DIP2C: variants seen among roughly 807,000 people sequenced by gnomAD.
DIP2C encodes DIP2 acetate--CoA ligase C (putative).
Under a neutral mutation model 192.4 loss-of-function variants are expected in DIP2C, and 33 were observed. The ratio of observed to expected loss-of-function variants is 0.17; its 90% CI spans 0.13 to 0.23. The LOEUF (loss-of-function observed/expected upper bound fraction) is 0.23, where lower values mean the gene tolerates loss of function less well. Among genes scored for constraint, DIP2C ranks in the 10% least tolerant of loss-of-function variants. The probability of loss-of-function intolerance (pLI) is 1.00; values close to 1 mark genes in which losing one functional copy is unlikely to be tolerated. For synonymous variants in DIP2C, 979 were observed against 864.1 expected (o/e 1.13, Z -2.33); for missense variants, 1,537 against 2,110.1 (o/e 0.73, Z 5.32).
chr10:564,880 T>TCA (rs934263181), intron 1 of DIP2C, among the ~76,000 whole-genome samples: 1 of 152,148 alleles, frequency 6.6e-6, no homozygotes, highest in African/African-American at 2.4e-5. Context: ...CCTAGAAGAC[T>TCA]CACACACACA....
intron 1 of DIP2C, among the ~76,000 whole-genome samples, chr10:596,296 G>T (rs114689034): frequency 0.01 from 1,571 of 152,068 alleles, 29 homozygotes; most frequent in African/African-American, 0.036. Flanking sequence ...CATCACCTGA[G>T]ATCAGGACTT....
At chr10:654,218 T>A (rs969006608) in intron 1 of DIP2C, among the ~76,000 whole-genome samples, 1 of 152,196 alleles carries the variant, frequency 6.6e-6, no homozygotes, top group African/African-American at 2.4e-5. Flanking sequence ...TCTTCACAGC[T>A]GCTATCTGAT....
chr10:548,776 TTTAA>T lies in DIP2C; in HGVS notation c.86-62250_86-62247del, dbSNP rs1848436962. Among the ~76,000 whole-genome samples, 6 of 151,974 alleles carry T rather than the reference TTTAA, an allele frequency of 3.9e-5. 2 individuals carry two copies. The South Asian group carries it at 1.0e-3, about 26-fold the overall frequency. ...ACTGTGCCTGATTTATGGATGACATTTTAATTAAGATGTTACATCTAACTTTAAA... is the reference window on the plus strand; with the variant it reads ...ACTGTGCCTGATTTATGGATGACATTTTAAGATGTTACATCTAACTTTAAA... On this transcript the variant is annotated intron_variant, in intron 1 of 36. Transcript: ENST00000280886.
chr10:314,590 G>A (rs1054737269), intron 31 of DIP2C, among the ~76,000 whole-genome samples: 2 of 152,202 alleles, frequency 1.3e-5, no homozygotes, highest in East Asian at 1.9e-4. Context: ...GCCAGTGCCT[G>A]CCTCTCCTGC....
chr10:476,846 G>C (rs552927133), intron 2 of DIP2C, among the ~76,000 whole-genome samples: 19 of 152,002 alleles, frequency 1.2e-4, no homozygotes, highest in African/African-American at 3.9e-4. Context: ...ATCCAAGAAT[G>C]AATCTTGGAG....
At chr10:422,427 CA>C (rs1167183481) in intron 5 of DIP2C, among the ~76,000 whole-genome samples, 4 of 152,194 alleles carry the variant, frequency 2.6e-5, no homozygotes, top group African/African-American at 9.7e-5. Flanking sequence ...GAAGTCTGAA[CA>C]CCTGTGGCAG....
rs11253268 is a variant in DIP2C, at chr10:589,023, G to A, written c.85+100471C>T. Among the ~76,000 whole-genome samples, 1,508 of 152,220 alleles carry A rather than the reference G, an allele frequency of 9.9e-3. 55 individuals carry two copies. In the East Asian group the frequency reaches 0.14, roughly 15 times the overall value. ...TGGTGCTGAAGACCTTCCATCAGCC[G>A]CTCCAGCAGGGGTGTAAAAAAATTC... On this transcript the variant is annotated intron_variant, in intron 1 of 36. Transcript: ENST00000280886.
At chr10:283,767 A>G (rs1330555298) in intron 34 of DIP2C, among the ~76,000 whole-genome samples, 2 of 152,210 alleles carry the variant, frequency 1.3e-5, no homozygotes, top group African/African-American at 4.8e-5. Context: ...GTCACACTAG[A>G]TTCCTTACAC....
intron 32 of DIP2C, among the ~76,000 whole-genome samples, chr10:289,240 T>C (rs1218687008): frequency 6.7e-6 from 1 of 150,260 alleles, no homozygotes; most frequent in Non-Finnish European, 1.5e-5. Context: ...TGTGGGCTCC[T>C]GAGACACCCT....
intron 1 of DIP2C, among the ~76,000 whole-genome samples, chr10:648,656 T>C (rs543018279): frequency 3.1e-4 from 41 of 131,746 alleles, no homozygotes; most frequent in Admixed American, 1.6e-3. Context: ...CCACATTGGA[T>C]GGTGGGAGAG....
At chr10:439,503 G>C (rs1041255331) in intron 4 of DIP2C, among the ~76,000 whole-genome samples, 11 of 152,208 alleles carry the variant, frequency 7.2e-5, no homozygotes, top group African/African-American at 2.7e-4. Flanking sequence ...TGTGGTCCCA[G>C]GTGCTTGAGA....
chr10:286,451 G>A (rs1955136609), intron 33 of DIP2C, 104 bp from the exon 34 acceptor site: 1 of 1,060,294 alleles, frequency 9.4e-7, no homozygotes, highest in Non-Finnish European at 1.4e-6. Flanking sequence ...TTTCAAGACT[G>A]TTTAGAAAGC....
rs78339829 is a variant in DIP2C, at chr10:591,970, A to G, written c.85+97524T>C. ...CATCTTGTCTCTGAAGAACGATGCGAGTCTAAGTCGCCAGAAAACCATATT... is the reference window on the plus strand; with the variant it reads ...CATCTTGTCTCTGAAGAACGATGCGGGTCTAAGTCGCCAGAAAACCATATT... On this transcript the variant is annotated intron_variant, in intron 1 of 36. Coordinates refer to ENST00000280886, the MANE Select transcript of DIP2C (RefSeq NM_014974.3). Among the ~76,000 whole-genome samples, 267 of 152,348 alleles carry G rather than the reference A, an allele frequency of 1.8e-3. 2 individuals are homozygous for G. Among genetic ancestry groups the G allele is most frequent in the African/African-American group, 5.7e-3 (236 of 41,578 alleles).
intron 6 of DIP2C, among the ~76,000 whole-genome samples, chr10:417,237 C>T (rs536340335): frequency 1.7e-4 from 26 of 152,210 alleles, no homozygotes; most frequent in Non-Finnish European, 3.1e-4. Flanking sequence ...TAGCTCATGA[C>T]GTCTGGGGTG....
intron 23 of DIP2C, 74 bp downstream of exon 23, chr10:357,754 G>GGATGGTCGCA: frequency 8.7e-7 from 1 of 1,149,718 alleles, no homozygotes; most frequent in South Asian, 1.3e-5. Context: ...GTACTGTCGG[G>GGATGGTCGCA]GATGGTCGCA....
At chr10:425,869 C>G (rs940200106) in intron 4 of DIP2C, among the ~76,000 whole-genome samples, 16 of 152,214 alleles carry the variant, frequency 1.1e-4, no homozygotes, top group Admixed American at 9.2e-4. Context: ...ATTTCCTCAA[C>G]CTGTTAAAGC....
At chr10:554,812 G>A (rs1046811443) in intron 1 of DIP2C, among the ~76,000 whole-genome samples, 3 of 152,238 alleles carry the variant, frequency 2.0e-5, no homozygotes, top group South Asian at 4.1e-4. Context: ...ACTTCCAGGT[G>A]CTCCTGAAAC....
intron 1 of DIP2C, among the ~76,000 whole-genome samples, chr10:527,639 G>A (rs1847131202): frequency 6.6e-6 from 1 of 152,126 alleles, no homozygotes; most frequent in African/African-American, 2.4e-5. Context: ...AAATCCAGTG[G>A]TTACACCAGA....
At chr10:366,776 T>C (rs1308561530) in intron 18 of DIP2C, among the ~76,000 whole-genome samples, 1 of 152,192 alleles carries the variant, frequency 6.6e-6, no homozygotes, top group African/African-American at 2.4e-5. Flanking sequence ...ACTTGACCTC[T>C]GCAAATCAAG....
Sources: allele counts gnomAD v4.1 joint callset (sites outside exome capture counted in the v4.1 genomes callset), GRCh38; gene constraint gnomAD v4.1.1; transcripts MANE v1.5; gene names NCBI Gene and HGNC (gene_info 2026-07-23, HGNC 2026-07-21).